RASAL2: variants seen among roughly 807,000 people sequenced by gnomAD.
RASAL2 encodes the protein RAS protein activator like 2.
A neutral mutation model predicts 128.9 loss-of-function variants in RASAL2; 58 were observed. That is an observed-to-expected ratio of 0.45 (90% CI 0.36 to 0.56). The LOEUF (loss-of-function observed/expected upper bound fraction) is 0.56. RASAL2 is among the 20% of genes least tolerant of loss of function. The pLI, the probability that RASAL2 is intolerant of heterozygous loss-of-function variation, is 0.00. For missense variants in RASAL2, 1,360 were observed against 1,601.6 expected, an observed-to-expected ratio of 0.85 and a Z score of 2.57; for synonymous variants, 561 against 580.8, an observed-to-expected ratio of 0.97 and a Z score of 0.49.
At chr1:178,099,048 C>T (rs1246632671) in intron 1 of RASAL2, among the ~76,000 whole-genome samples, 2 of 152,130 alleles carry the variant, frequency 1.3e-5, no homozygotes, top group Non-Finnish European at 2.9e-5. Flanking sequence ...CCAATTAAGA[C>T]ACAGGATGAG....
intron 3 of RASAL2, among the ~76,000 whole-genome samples, chr1:178,356,702 T>A (rs1274169631): frequency 1.3e-5 from 2 of 152,202 alleles, no homozygotes; most frequent in African/African-American, 2.4e-5. Context: ...CGGAAATAGG[T>A]ATAGTGGTTA....
rs535977494 is a variant in RASAL2, at chr1:178,120,119, G to A, written c.202+25425G>A. Among the ~76,000 whole-genome samples the A allele has an allele frequency of 2.0e-5, 3 of 152,248 alleles. No homozygotes were observed. The South Asian group carries it at 6.2e-4, about 32-fold the overall frequency. ...GAACTCCAAAGGCTTGTGTTTTAAC[G>A]CAGGGCGCTTGGTCTCCATGTGGCG... On this transcript the variant is annotated intron_variant, in intron 1 of 17. Coordinates refer to ENST00000367649, the MANE Select transcript of RASAL2 (RefSeq NM_170692.4).
chr1:178,420,484 C>G, intron 4 of RASAL2, 27 bp from the exon 5 acceptor site: 2 of 1,506,930 alleles, frequency 1.3e-6, no homozygotes, highest in Non-Finnish European at 1.8e-6. Flanking sequence ...GGTTCTCTCT[C>G]CCATCACCTT....
At chr1:178,236,254 A>G (rs1664231586) in intron 1 of RASAL2, among the ~76,000 whole-genome samples, 1 of 152,190 alleles carries the variant, frequency 6.6e-6, no homozygotes, top group Non-Finnish European at 1.5e-5. Flanking sequence ...TTGAGGGCTA[A>G]GCTACCCCAA....
At chr1:178,296,198 T>C (rs2102256406) in intron 2 of RASAL2, among the ~76,000 whole-genome samples, 1 of 152,222 alleles carries the variant, frequency 6.6e-6, no homozygotes, top group East Asian at 1.9e-4. Flanking sequence ...TATAAATATG[T>C]GCCACATTGC....
chr1:178,103,612 C>T (rs1266101124), intron 1 of RASAL2, among the ~76,000 whole-genome samples: 2 of 151,928 alleles, frequency 1.3e-5, no homozygotes, highest in Non-Finnish European at 2.9e-5. Flanking sequence ...TGTGATTGAA[C>T]ATCTTTTCAT....
At chr1:178,188,616 A>T (rs1385401490) in intron 1 of RASAL2, among the ~76,000 whole-genome samples, 4 of 152,142 alleles carry the variant, frequency 2.6e-5, no homozygotes, top group Non-Finnish European at 5.9e-5. Flanking sequence ...TACTTTGCAG[A>T]TTATTTAAAG....
chr1:178,303,446 G>A (rs183011046), intron 3 of RASAL2, among the ~76,000 whole-genome samples: 150 of 151,292 alleles, frequency 9.9e-4, no homozygotes, highest in African/African-American at 3.4e-3. Context: ...TAACACTAAC[G>A]ACAGCTGATG....
chr1:178,445,246 G>A (rs889977501), intron 8 of RASAL2, among the ~76,000 whole-genome samples: 15 of 152,166 alleles, frequency 9.9e-5, no homozygotes, highest in Non-Finnish European at 2.1e-4. Context: ...AGGCTTGAAA[G>A]GTAGACAGAA....
chr1:178,407,966 A>G lies in RASAL2; in HGVS notation c.565-12545A>G, dbSNP rs565678479. ...CAGGTGGCCAACAACTTTAGTTATC[A>G]TTGTCTTAACATTTACCAAGCTCCA... On this transcript the variant is annotated intron_variant, in intron 4 of 17. Transcript: ENST00000367649. 1.3e-4 allele frequency among the ~76,000 whole-genome samples: 20 copies of G among 152,320 alleles called. No homozygotes were observed. The South Asian group carries it at 3.5e-3, about 27-fold the overall frequency.
chr1:178,304,366 T>A (rs1033687501), intron 3 of RASAL2, among the ~76,000 whole-genome samples: 1 of 151,702 alleles, frequency 6.6e-6, no homozygotes, highest in Admixed American at 6.6e-5. Context: ...CTCTACAAAA[T>A]AAAAAAATTA....
intron 1 of RASAL2, among the ~76,000 whole-genome samples, chr1:178,247,993 G>T (rs1664853551): frequency 6.6e-6 from 1 of 152,118 alleles, no homozygotes; most frequent in African/African-American, 2.4e-5. Flanking sequence ...TTCCAATTAT[G>T]TGGTCAATTT....
At chr1:178,116,038 A>G (rs1427276214) in intron 1 of RASAL2, among the ~76,000 whole-genome samples, 1 of 152,114 alleles carries the variant, frequency 6.6e-6, no homozygotes, top group Admixed American at 6.6e-5. Context: ...CCAGGGGAAT[A>G]TGTATTTTAT....
At chr1:178,298,156 A>G (rs1667601897) in intron 2 of RASAL2, among the ~76,000 whole-genome samples, 1 of 152,178 alleles carries the variant, frequency 6.6e-6, no homozygotes, top group Non-Finnish European at 1.5e-5. Flanking sequence ...AATAGGAGAT[A>G]GTCATTTAAA....
chr1:178,266,565 T>C (rs547795148), intron 1 of RASAL2, among the ~76,000 whole-genome samples: 3 of 151,874 alleles, frequency 2.0e-5, no homozygotes, highest in Non-Finnish European at 4.4e-5. Flanking sequence ...TGGACACACG[T>C]GGAGTGGTTT....
At chr1:178,308,464 G>T (rs943717685) in intron 3 of RASAL2, among the ~76,000 whole-genome samples, 29 of 151,028 alleles carry the variant, frequency 1.9e-4, no homozygotes, top group Non-Finnish European at 3.5e-4. Flanking sequence ...GTTCTCTAGG[G>T]TATTTATAAA....
At chr1:178,326,148 A>G (rs1276571841) in intron 3 of RASAL2, among the ~76,000 whole-genome samples, 3 of 152,200 alleles carry the variant, frequency 2.0e-5, no homozygotes, top group Non-Finnish European at 4.4e-5. Flanking sequence ...TAATAAATAA[A>G]TAAGAATTTT....
intron 3 of RASAL2, among the ~76,000 whole-genome samples, chr1:178,330,571 G>A (rs1204266232): frequency 1.3e-5 from 2 of 151,996 alleles, no homozygotes; most frequent in Admixed American, 6.6e-5. Flanking sequence ...TAGTTGCAGT[G>A]GGCTGTAGTC....
chr1:178,284,929 T>A (rs867537266), intron 2 of RASAL2, among the ~76,000 whole-genome samples: 3 of 152,066 alleles, frequency 2.0e-5, no homozygotes, highest in Non-Finnish European at 1.5e-5. Context: ...AACACATTTC[T>A]TAATTCTCCT....
Sources: allele counts gnomAD v4.1 joint callset (sites outside exome capture counted in the v4.1 genomes callset), GRCh38; gene constraint gnomAD v4.1.1; transcripts MANE v1.5; gene names NCBI Gene and HGNC (gene_info 2026-07-23, HGNC 2026-07-21).